Variants in CALD1 observed in about 807,000 individuals in gnomAD.
CALD1 encodes caldesmon.
In CALD1, 33 loss-of-function variants were observed where a neutral mutation model predicts 99.9. The ratio of observed to expected loss-of-function variants is 0.33; its 90% CI spans 0.25 to 0.44. The LOEUF is 0.44. Ranked by LOEUF, CALD1 falls within the 20% of genes least tolerant of loss-of-function variation. The pLI is 1.00. For missense variants in CALD1, 861 were observed against 962.1 expected (o/e 0.89, Z 1.39); for synonymous variants, 310 against 325.0 (o/e 0.95, Z 0.50).
intron 3 of CALD1, among the ~76,000 whole-genome samples, chr7:134,887,309 C>T (rs1468383860): frequency 1.3e-5 from 2 of 152,120 alleles, no homozygotes; most frequent in African/African-American, 4.8e-5. Flanking sequence ...TATGAGAGGC[C>T]AACAGAAAGG....
intron 1 of CALD1, among the ~76,000 whole-genome samples, chr7:134,745,788 T>G (rs1490053735): frequency 1.3e-5 from 2 of 152,260 alleles, no homozygotes; most frequent in African/African-American, 4.8e-5. Context: ...CCAGAAGTTG[T>G]GCCTTTCATC....
Position 134,797,746 on chromosome 7 carries a change from C to T in CALD1, c.-130+17997C>T, listed in dbSNP as rs1797800919. ...TAACTGGGACTATAGGCACGCACCA[C>T]CACACCGGCTAATTTTTGTATTTTT... On this transcript the variant is annotated intron_variant, in intron 1 of 14. Coordinates refer to ENST00000361675, the MANE Select transcript of CALD1 (RefSeq NM_033138.4). Among the ~76,000 whole-genome samples the T allele has an allele frequency of 3.3e-5, 5 of 152,254 alleles. No homozygotes were observed. In the South Asian group the frequency reaches 1.0e-3, roughly 32 times the overall value.
At chr7:134,837,820 A>T (rs1799505436) in intron 1 of CALD1, among the ~76,000 whole-genome samples, 1 of 152,228 alleles carries the variant, frequency 6.6e-6, no homozygotes, top group Non-Finnish European at 1.5e-5. Context: ...TCAGCGTAGT[A>T]ATTACTATCC....
At chr7:134,958,889 A>ATATTTAAC (rs1554479127) in intron 11 of CALD1, among the ~76,000 whole-genome samples, 58 of 140,090 alleles carry the variant, frequency 4.1e-4, no homozygotes, top group African/African-American at 1.5e-3. Context: ...ATATATATAT[A>ATATTTAAC]TATATATATA....
chr7:134,829,249 G>A (rs1475762031), intron 1 of CALD1, among the ~76,000 whole-genome samples: 1 of 152,136 alleles, frequency 6.6e-6, no homozygotes, highest in African/African-American at 2.4e-5. Context: ...AAAGAGCAGA[G>A]ACTTACAACA....
intron 1 of CALD1, among the ~76,000 whole-genome samples, chr7:134,836,814 A>T (rs569477052): frequency 6.6e-6 from 1 of 152,208 alleles, no homozygotes; most frequent in Non-Finnish European, 1.5e-5. Flanking sequence ...TCATGGATAC[A>T]TTCTCATTGC....
intron 1 of CALD1, among the ~76,000 whole-genome samples, chr7:134,795,548 A>G (rs954117363): frequency 6.6e-6 from 1 of 152,192 alleles, no homozygotes; most frequent in African/African-American, 2.4e-5. Flanking sequence ...TAGATATTTT[A>G]TGAACGGAAA....
At chr7:134,720,903 A>G in the CALD1 span, among the ~76,000 whole-genome samples, 832 of 152,360 alleles carry the variant, frequency 5.5e-3, 1 homozygote, top group Non-Finnish European at 9.7e-3. Context: ...TGTGTTTTGA[A>G]TTATAAGCTT....
the CALD1 span, among the ~76,000 whole-genome samples, chr7:134,722,562 C>T: frequency 1.3e-5 from 2 of 152,030 alleles, no homozygotes; most frequent in South Asian, 2.1e-4. Flanking sequence ...GCTAGGATTA[C>T]AGGAGCATGC....
rs1805747315 is a variant in CALD1 at position 134,933,967 on chromosome 7, C to G, written c.1198C>G (p.Gln400Glu). The change falls in exon 5 of 15, where the codon CAA becomes GAA. Residue 400 changes from glutamine (Q) to glutamate (E), a missense_variant. Gln to Glu is a conservative substitution (Grantham distance 29, BLOSUM62 2). Transcript: ENST00000361675. Reference sequence around the variant, plus strand: ...GCTAGAAGAGAAAAAACATGCCATGCAAGAGACAAAGATAAAAGGGGAAAA... The same window carrying G: ...GCTAGAAGAGAAAAAACATGCCATGGAAGAGACAAAGATAAAAGGGGAAAA... ...KQLEEKKHAM[Q>E]ETKIKGEKVE... is the part of the protein sequence containing the mutation. 1 of 1,613,814 alleles carries G rather than the reference C, an allele frequency of 6.2e-7. No homozygotes were observed. The highest frequency in any genetic ancestry group is 1.7e-5 in the Admixed American group (1 of 59,996).
At chr7:134,760,728 A>G (rs1050338738) in intron 1 of CALD1, among the ~76,000 whole-genome samples, 5 of 152,248 alleles carry the variant, frequency 3.3e-5, no homozygotes, top group African/African-American at 1.2e-4. Flanking sequence ...GAAAATACAC[A>G]GGAAATAGAA....
intron 3 of CALD1, among the ~76,000 whole-genome samples, chr7:134,894,591 G>A (rs1214780975): frequency 6.6e-6 from 1 of 152,150 alleles, no homozygotes; most frequent in Non-Finnish European, 1.5e-5. Context: ...ATTTCCATCA[G>A]ATAATTTATC....
chr7:134,889,453 T>C (rs1802035517), intron 3 of CALD1, among the ~76,000 whole-genome samples: 3 of 152,192 alleles, frequency 2.0e-5, no homozygotes, highest in Admixed American at 2.0e-4. Flanking sequence ...CAGGATGCTC[T>C]CCCCATCTCT....
At chr7:134,935,254 C>T (rs1191019517) in intron 5 of CALD1, among the ~76,000 whole-genome samples, 2 of 152,140 alleles carry the variant, frequency 1.3e-5, no homozygotes, top group Non-Finnish European at 1.5e-5. Flanking sequence ...CACACCACCA[C>T]CACCACTCCT....
At chr7:134,939,938 T>C (rs952611067) in intron 6 of CALD1, among the ~76,000 whole-genome samples, 90 of 152,048 alleles carry the variant, frequency 5.9e-4, no homozygotes, top group Non-Finnish European at 1.0e-4. Context: ...CACTCCAGCC[T>C]GGGCAACAGA....
At chr7:134,826,995 A>G (rs1033200991) in intron 1 of CALD1, among the ~76,000 whole-genome samples, 1 of 152,216 alleles carries the variant, frequency 6.6e-6, no homozygotes, top group Non-Finnish European at 1.5e-5. Context: ...CCCACACTGG[A>G]TCACAGCTCA....
chr7:134,910,747 T>C (rs1803744508), intron 3 of CALD1, among the ~76,000 whole-genome samples: 3 of 152,216 alleles, frequency 2.0e-5, no homozygotes, highest in Admixed American at 1.3e-4. Context: ...CACCTGATCA[T>C]TGACTAGGTT....
intron 6 of CALD1, among the ~76,000 whole-genome samples, 181 bp from the exon 7 acceptor site, chr7:134,940,911 G>A (rs1806374971): frequency 2.0e-5 from 3 of 152,288 alleles, no homozygotes; most frequent in African/African-American, 2.4e-5. Context: ...TTTGTTCACA[G>A]GCTAAAGGAC....
At chr7:134,780,721 G>A (rs2131673053) in intron 1 of CALD1, among the ~76,000 whole-genome samples, 1 of 152,316 alleles carries the variant, frequency 6.6e-6, no homozygotes, top group South Asian at 2.1e-4. Flanking sequence ...GTCAAAAAAA[G>A]TGGATGAGAA....
Sources: gnomAD v4.1 joint callset for allele counts (sites outside exome capture counted in the v4.1 genomes callset) on GRCh38, gnomAD v4.1.1 for gene constraint, MANE v1.5 for transcripts, NCBI Gene and HGNC (gene_info 2026-07-23, HGNC 2026-07-21) for gene names.